The following PRDM15 variants were observed in gnomAD, a reference collection of about 807,000 sequenced individuals.
PRDM15 encodes PR domain zinc finger protein 15.
Under a neutral mutation model 128.6 loss-of-function variants are expected in PRDM15, and 64 were observed. The ratio of observed to expected loss-of-function variants is 0.50; its 90% CI spans 0.41 to 0.61. The LOEUF is 0.61. Among genes scored for constraint, PRDM15 ranks in the 20% least tolerant of loss-of-function variants. PRDM15 has a pLI of 0.00. For missense variants in PRDM15, 1,242 were observed against 1,569.1 expected (o/e 0.79, Z 3.52); for synonymous variants, 615 against 621.8 (o/e 0.99, Z 0.16).
At chr21:41,875,233 C>T (rs1184586568) in intron 1 of PRDM15, among the ~76,000 whole-genome samples, 1 of 152,356 alleles carries the variant, frequency 6.6e-6, no homozygotes, top group Admixed American at 6.5e-5. Flanking sequence ...AGGGGGTACC[C>T]CAAGCTGGCT....
chr21:41,868,921 C>T (rs1323886845), intron 1 of PRDM15, among the ~76,000 whole-genome samples: 1 of 152,124 alleles, frequency 6.6e-6, no homozygotes, highest in Non-Finnish European at 1.5e-5. Flanking sequence ...AACTCCTCAC[C>T]TCGTGATCCA....
At position 41,847,103 on chromosome 21, in the gene PRDM15, C is replaced by T. The variant is rs2063289318; in HGVS notation, c.627G>A (p.Leu209=). 1 of 1,551,368 alleles carries T rather than the reference C, an allele frequency of 6.4e-7. No homozygotes were observed. The highest frequency in any genetic ancestry group is 8.7e-7 in the Non-Finnish European group (1 of 1,146,044). The part of the protein sequence containing the change: ...CKVCSATFLE[L]QLLNEHLLGH... ...CGTCCTCCTTACCATTGAGGAGCTGCAGCTCCAGGAAGGTGGCAGAACACA... is the reference window on the plus strand; with the variant it reads ...CGTCCTCCTTACCATTGAGGAGCTGTAGCTCCAGGAAGGTGGCAGAACACA... The change falls in exon 6 of 24, where the codon CTG becomes CTA. Residue 209 remains leucine, a synonymous_variant. Transcript: ENST00000398548.
chr21:41,872,785 C>A (rs372246617), intron 1 of PRDM15, among the ~76,000 whole-genome samples: 1 of 152,026 alleles, frequency 6.6e-6, no homozygotes, highest in South Asian at 2.1e-4. Context: ...CTCCTGGGCA[C>A]GCAGAACCAC....
chr21:41,807,558 C>T (rs1350618790), intron 21 of PRDM15, among the ~76,000 whole-genome samples: 2 of 151,110 alleles, frequency 1.3e-5, no homozygotes, highest in East Asian at 3.9e-4. Flanking sequence ...TGTCTAGGGT[C>T]ATCTCTTCCA....
At chr21:41,852,767 C>T (rs2063469227) in intron 5 of PRDM15, among the ~76,000 whole-genome samples, 1 of 152,224 alleles carries the variant, frequency 6.6e-6, no homozygotes. Context: ...CCCTCTCCAC[C>T]CAGCCCTCAC....
intron 1 of PRDM15, among the ~76,000 whole-genome samples, chr21:41,874,525 A>ATATATATATATATATTTTTTT: frequency 4.2e-5 from 4 of 95,826 alleles, no homozygotes; most frequent in Non-Finnish European, 4.0e-5. Flanking sequence ...ATATATATAT[A>ATATATATATATATATTTTTTT]TTTTTTTTTT....
At chr21:41,863,228 G>C (rs1248391531) in intron 1 of PRDM15, 1 of 151,420 alleles carries the variant, frequency 6.6e-6, no homozygotes, top group East Asian at 1.9e-4. Context: ...ATCCTGGGAA[G>C]ACTTACCTTA....
chr21:41,848,334 TAAC>T (rs1242962163), intron 5 of PRDM15, among the ~76,000 whole-genome samples: 1 of 152,150 alleles, frequency 6.6e-6, no homozygotes. Flanking sequence ...TTTCATAAGA[TAAC>T]AAGAAGAAAG....
At position 41,836,453 on chromosome 21, in the gene PRDM15, G is replaced by T. The variant is rs1171481307; in HGVS notation, c.1183+15C>A. ...GGCCCTGGCCCCGGGCGCCAGCCGG[G>T]CCTCGCGGACTCACCATGCGAGCGC... is the stretch of plus-strand genomic sequence containing the variant. On this transcript the variant is annotated intron_variant, in intron 9 of 23. Coordinates refer to ENST00000398548, the MANE Select transcript of PRDM15 (RefSeq NM_001040424.3). 1.9e-6 allele frequency: 3 copies of T among 1,600,078 alleles called. No homozygotes were observed. Among genetic ancestry groups the T allele is most frequent in the Non-Finnish European group, 2.6e-6 (3 of 1,170,692 alleles).
intron 23 of PRDM15, among the ~76,000 whole-genome samples, 197 bp from the exon 24 acceptor site, chr21:41,801,919 A>G (rs1445278446): frequency 6.6e-6 from 1 of 152,230 alleles, no homozygotes; most frequent in Non-Finnish European, 1.5e-5. Flanking sequence ...CATGAAAGCA[A>G]TGAGAAGGAA....
chr21:41,801,250 T>C lies in PRDM15; in HGVS notation c.3416A>G (p.Tyr1139Cys), dbSNP rs1568865090. The C allele has an allele frequency of 6.5e-7, 1 of 1,529,684 alleles. No individual in the cohort carries two copies. The allele number at this position is 1,529,684 out of a possible 1,614,324, so 94.8% of individuals were successfully genotyped here. ...CTCCCGGAACGCAGCTCAGTAGCTGTACATCTGCTGCTGCTGCTGCTCCGC... is the reference window on the plus strand; with the variant it reads ...CTCCCGGAACGCAGCTCAGTAGCTGCACATCTGCTGCTGCTGCTGCTCCGC... The part of the protein sequence containing the change: ...VQAEQQQQQM[Y>C]SY The change falls in exon 24 of 24, where the codon TAC becomes TGC. Residue 1139 changes from tyrosine (Y) to cysteine (C), a missense_variant. Tyr to Cys is a radical substitution (Grantham distance 194). Transcript: ENST00000398548.
chr21:41,876,271 T>C (rs1430669259), intron 1 of PRDM15, among the ~76,000 whole-genome samples: 4 of 152,314 alleles, frequency 2.6e-5, no homozygotes, highest in South Asian at 2.1e-4. Context: ...AGAGCTTTTT[T>C]CCCCTAATCA....
intron 8 of PRDM15, 48 bp from the exon 9 acceptor site, chr21:41,836,697 T>C (rs772289841): frequency 6.6e-7 from 1 of 1,524,042 alleles, no homozygotes; most frequent in Non-Finnish European, 9.0e-7. Flanking sequence ...GGGAAAAAAG[T>C]TCCAGGTTAC....
rs28648706 is a variant in PRDM15 at position 41,821,735 on chromosome 21, A to G, written c.1896+168T>C. Among the ~76,000 whole-genome samples, 135,234 of 152,226 alleles carry G rather than the reference A, an allele frequency of 0.89. 60,166 individuals are homozygous for G. The highest frequency in any genetic ancestry group is 0.91 in the Non-Finnish European group (61,581 of 68,012). On this transcript the variant is annotated intron_variant, in intron 15 of 23. Coordinates refer to ENST00000398548, the MANE Select transcript of PRDM15 (RefSeq NM_001040424.3). This position sits in a 1 kb window ranked among gnomAD's most constrained non-coding sequence, Gnocchi z 5.4. ...ACACAGGCTGGCCTTCCCAGGCACA[A>G]GTGATGGACAGGCACCCAGTCTGCA...
chr21:41,861,539 C>A (rs374804037), intron 1 of PRDM15: 11 of 1,557,884 alleles, frequency 7.1e-6, no homozygotes, highest in African/African-American at 1.4e-5. Flanking sequence ...CCTCTGCCCC[C>A]CCCCAATCCC....
At chr21:41,843,950 TAAAA>T (rs1555883669) in intron 6 of PRDM15, among the ~76,000 whole-genome samples, 3 of 123,294 alleles carry the variant, frequency 2.4e-5, no homozygotes, top group East Asian at 2.3e-4. Context: ...CCTTGTATTG[TAAAA>T]AAAAAAAAAA....
chr21:41,846,353 A>C (rs2063264075), intron 6 of PRDM15, among the ~76,000 whole-genome samples: 1 of 152,242 alleles, frequency 6.6e-6, no homozygotes, highest in African/African-American at 2.4e-5. Context: ...AGAAGCTGGA[A>C]ATGTGTTCAA....
intron 1 of PRDM15, among the ~76,000 whole-genome samples, chr21:41,863,651 C>T (rs977671561): frequency 1.5e-4 from 23 of 152,064 alleles, no homozygotes; most frequent in African/African-American, 5.1e-4. Flanking sequence ...GTTCCTTACA[C>T]GGAACGCTCC....
chr21:41,842,777 C>G (rs1481447455), intron 6 of PRDM15, among the ~76,000 whole-genome samples: 1 of 146,244 alleles, frequency 6.8e-6, no homozygotes, highest in Non-Finnish European at 1.5e-5. Context: ...CCATGAGCCA[C>G]TACGCCTGGC....
Sources: gnomAD v4.1 joint callset for allele counts (sites outside exome capture counted in the v4.1 genomes callset) on GRCh38, gnomAD v4.1.1 for gene constraint, Gnocchi (gnomAD v3.1) non-coding constraint, MANE v1.5 for transcripts, NCBI Gene and HGNC (gene_info 2026-07-23, HGNC 2026-07-21) for gene names.